Variants in RBFOX1 observed in about 807,000 individuals in gnomAD.
The protein encoded by RBFOX1 is RNA binding protein fox-1 homolog 1.
A neutral mutation model predicts 57.7 loss-of-function variants in RBFOX1; 8 were observed. The observed-to-expected ratio is 0.14, with a 90% confidence interval of 0.08 to 0.25. The LOEUF (loss-of-function observed/expected upper bound fraction) is 0.25. Ranked by LOEUF, RBFOX1 falls within the 10% of genes least tolerant of loss-of-function variation. The pLI, the probability that RBFOX1 is intolerant of heterozygous loss-of-function variation, is 1.00. For missense variants in RBFOX1, 611 were observed against 548.5 expected (o/e 1.11, Z -1.14); for synonymous variants, 326 against 222.4 (o/e 1.47, Z -4.15).
chr16:6,954,297 G>A (rs2081328232), intron 3 of RBFOX1, among the ~76,000 whole-genome samples: 1 of 152,116 alleles, frequency 6.6e-6, no homozygotes, highest in Non-Finnish European at 1.5e-5. Context: ...TTTTGACAGT[G>A]AGACTTGCTT....
At chr16:6,666,328 G>A (rs2098732489) in intron 3 of RBFOX1, among the ~76,000 whole-genome samples, 1 of 152,152 alleles carries the variant, frequency 6.6e-6, no homozygotes, top group Non-Finnish European at 1.5e-5. Flanking sequence ...GAGGTCAGGA[G>A]TTTGAAACCA....
intron 3 of RBFOX1, among the ~76,000 whole-genome samples, chr16:6,981,850 A>T (rs1473970818): frequency 6.6e-6 from 1 of 152,202 alleles, no homozygotes; most frequent in African/African-American, 2.4e-5. Flanking sequence ...CATATCATCC[A>T]GTCTACACTG....
chr16:7,256,796 C>G (rs547011439), intron 4 of RBFOX1, among the ~76,000 whole-genome samples: 8 of 152,242 alleles, frequency 5.3e-5, no homozygotes, highest in Middle Eastern at 3.4e-3. Flanking sequence ...AATCTTGGAC[C>G]AGTCACCAGC....
chr16:7,567,433 C>CTA (rs555713484), intron 5 of RBFOX1, among the ~76,000 whole-genome samples: 11 of 132,014 alleles, frequency 8.3e-5, no homozygotes, highest in African/African-American at 2.6e-4. Context: ...ATGTATGGCC[C>CTA]TATATATATA....
chr16:7,698,183 G>GGGGTGT lies in RBFOX1; in HGVS notation c.996-10872_996-10871insGGTGTG, dbSNP rs1355248429. ...TTGTTTTAGACACAGAGTCCAAGAG[G>GGGGTGT]GTGTGTGTGTGTGTGTGTGTGTGTG... On this transcript the variant is annotated intron_variant, in intron 14 of 15. Coordinates refer to ENST00000550418, the MANE Select transcript of RBFOX1 (RefSeq NM_018723.4). 3.0e-3 allele frequency among the ~76,000 whole-genome samples: 403 copies of GGGGTGT among 136,206 alleles called. 2 individuals carry two copies. Among genetic ancestry groups the GGGGTGT allele is most frequent in the Admixed American group, 4.4e-3 (60 of 13,640 alleles). 89.4% of individuals were successfully genotyped at this position (136,206 alleles called of 152,430 possible). A position where few individuals can be genotyped will look rare whatever the true frequency, so the allele number is the denominator to read the frequency against.
chr16:7,539,716 G>A (rs958655641), intron 5 of RBFOX1, among the ~76,000 whole-genome samples: 1 of 152,128 alleles, frequency 6.6e-6, no homozygotes, highest in African/African-American at 2.4e-5. Context: ...CTATTGCTTG[G>A]CGACCAAGTG....
At chr16:6,624,321 A>G (rs915828810) in intron 2 of RBFOX1, among the ~76,000 whole-genome samples, 1 of 152,186 alleles carries the variant, frequency 6.6e-6, no homozygotes, top group African/African-American at 2.4e-5. Context: ...GTTTAAAAAG[A>G]AAAAACTGTC....
chr16:6,885,214 G>T (rs750358032), intron 3 of RBFOX1, among the ~76,000 whole-genome samples: 2 of 152,132 alleles, frequency 1.3e-5, no homozygotes, highest in Non-Finnish European at 2.9e-5. Flanking sequence ...CAGAAAACTA[G>T]AACTGTGGTT....
chr16:7,081,838 T>C (rs1163376410), intron 4 of RBFOX1, among the ~76,000 whole-genome samples: 1 of 152,216 alleles, frequency 6.6e-6, no homozygotes, highest in Non-Finnish European at 1.5e-5. Context: ...CTAATATGTT[T>C]AACCATCTTC....
At chr16:6,143,163 T>G (rs376613603) in intron 1 of RBFOX1, among the ~76,000 whole-genome samples, 1 of 152,328 alleles carries the variant, frequency 6.6e-6, no homozygotes, top group African/African-American at 2.4e-5. Context: ...TCTTAACGTT[T>G]TTGTTTACAA....
chr16:5,373,144 G>A (rs1361731583), intron 1 of RBFOX1, among the ~76,000 whole-genome samples: 1 of 152,178 alleles, frequency 6.6e-6, no homozygotes, highest in East Asian at 1.9e-4. Flanking sequence ...GATTTTCTCG[G>A]CAGAACCATG....
chr16:5,538,619 C>CTTTTTTTTTT (rs59757856), intron 2 of RBFOX1, among the ~76,000 whole-genome samples: 4 of 126,948 alleles, frequency 3.2e-5, no homozygotes, highest in Non-Finnish European at 3.4e-5. Flanking sequence ...TTTATTTCTT[C>CTTTTTTTTTT]TTTTTTTTTT....
chr16:6,603,449 G>C (rs921770492), intron 2 of RBFOX1, among the ~76,000 whole-genome samples: 3 of 152,124 alleles, frequency 2.0e-5, no homozygotes, highest in African/African-American at 7.2e-5. Context: ...TTATCAAAAT[G>C]GACTGTTGAT....
rs75254277 is a variant in RBFOX1 at position 7,487,803 on chromosome 16, A to T, written c.28-30344A>T. On this transcript the variant is annotated intron_variant, in intron 4 of 15. Transcript: ENST00000550418. ...ACAACCTAAGAGCCTCTTCAGTAAG[A>T]TCCTGATAGCTTTATTGGAGAGGTC... 3.4e-3 allele frequency among the ~76,000 whole-genome samples: 522 copies of T among 152,278 alleles called. 3 individuals carry two copies. Among genetic ancestry groups the T allele is most frequent in the South Asian group, 0.01 (50 of 4,826 alleles).
At chr16:5,423,466 T>C (rs1309326672) in intron 1 of RBFOX1, among the ~76,000 whole-genome samples, 3 of 152,202 alleles carry the variant, frequency 2.0e-5, no homozygotes, top group Non-Finnish European at 2.9e-5. Context: ...CCTGGCTCCC[T>C]ACGCCATCCA....
chr16:6,814,748 TG>T (rs1013566173), intron 3 of RBFOX1, among the ~76,000 whole-genome samples: 1 of 151,940 alleles, frequency 6.6e-6, no homozygotes, highest in African/African-American at 2.4e-5. Flanking sequence ...TCTGGAACCC[TG>T]GGGGAGAGGT....
At chr16:6,729,174 C>A (rs1356626744) in intron 3 of RBFOX1, among the ~76,000 whole-genome samples, 1 of 152,050 alleles carries the variant, frequency 6.6e-6, no homozygotes. Flanking sequence ...TTTCATCTGT[C>A]TTTCCAAAAT....
At chr16:6,744,349 C>A (rs546821530) in intron 3 of RBFOX1, among the ~76,000 whole-genome samples, 7 of 152,012 alleles carry the variant, frequency 4.6e-5, no homozygotes, top group Non-Finnish European at 7.4e-5. Flanking sequence ...ATTAATTTGC[C>A]TTAATTAATG....
intron 2 of RBFOX1, chr16:6,483,071 T>TA (rs2095398644): frequency 9.6e-6 from 9 of 934,174 alleles, no homozygotes; most frequent in Non-Finnish European, 1.2e-5. Context: ...CTCGGAGCTT[T>TA]GCAAGTGCCT....
Sources: allele counts gnomAD v4.1 joint callset (sites outside exome capture counted in the v4.1 genomes callset), GRCh38; gene constraint gnomAD v4.1.1; transcripts MANE v1.5; gene names NCBI Gene and HGNC (gene_info 2026-07-23, HGNC 2026-07-21).